OPCML: variants seen among roughly 807,000 people sequenced by gnomAD.
The protein encoded by OPCML is opioid binding protein/cell adhesion molecule like.
In OPCML, 13 loss-of-function variants were observed where a neutral mutation model predicts 37.8. The observed-to-expected ratio is 0.34, with a 90% confidence interval of 0.22 to 0.55. The LOEUF is 0.55. Among genes scored for constraint, OPCML ranks in the 20% least tolerant of loss-of-function variants. The pLI is 0.91. For synonymous variants in OPCML, 176 were observed against 168.8 expected, an observed-to-expected ratio of 1.04 and a Z score of -0.33; for missense variants, 341 against 435.6, an observed-to-expected ratio of 0.78 and a Z score of 1.93.
At position 133,410,634 on chromosome 11, in the gene OPCML, T is replaced by TAAAAAAA. The variant is rs71038527; in HGVS notation, c.61+121623_61+121629dup. ...TGAAAGCACACGTTAAGAAAAAAAG[T>TAAAAAAA]AAAAAAAAAAAAAAAAAAAAAAAAA... On this transcript the variant is annotated intron_variant, in intron 1 of 7. Transcript: ENST00000524381. Among the ~76,000 whole-genome samples, 18 of 47,012 alleles carry TAAAAAAA rather than the reference T, an allele frequency of 3.8e-4. 3 individuals carry two copies. Among genetic ancestry groups the TAAAAAAA allele is most frequent in the Non-Finnish European group, 7.0e-4 (16 of 22,816 alleles). 30.8% of individuals were successfully genotyped at this position (47,012 alleles called of 152,430 possible). A position where few individuals can be genotyped will look rare whatever the true frequency, so the allele number is the denominator to read the frequency against.
chr11:132,863,390 G>C (rs187230326), intron 2 of OPCML, among the ~76,000 whole-genome samples: 17 of 152,294 alleles, frequency 1.1e-4, no homozygotes, highest in African/African-American at 4.1e-4. Context: ...GACACAACGG[G>C]TATACTGACT....
chr11:132,723,260 C>G (rs1944744035), intron 2 of OPCML, among the ~76,000 whole-genome samples: 1 of 152,200 alleles, frequency 6.6e-6, no homozygotes, highest in South Asian at 2.1e-4. Context: ...TGCCAAGCTC[C>G]TCAATAGTAT....
intron 1 of OPCML, among the ~76,000 whole-genome samples, chr11:133,262,102 C>T (rs570476277): frequency 1.3e-4 from 20 of 152,242 alleles, no homozygotes; most frequent in South Asian, 4.1e-4. Flanking sequence ...AAATTATATA[C>T]GCTTTTGATG....
intron 1 of OPCML, among the ~76,000 whole-genome samples, chr11:133,357,170 G>A (rs1436734469): frequency 2.6e-5 from 4 of 152,154 alleles, no homozygotes; most frequent in Non-Finnish European, 2.9e-5. Flanking sequence ...CCCCAGGCAT[G>A]GTCGTTGTTA....
At chr11:132,580,492 T>C (rs1178453158) in intron 3 of OPCML, among the ~76,000 whole-genome samples, 1 of 152,140 alleles carries the variant, frequency 6.6e-6, no homozygotes, top group Non-Finnish European at 1.5e-5. Context: ...TTATGCAGGG[T>C]TTTTTTCATT....
At chr11:132,458,537 A>G (rs549910703) in intron 4 of OPCML, among the ~76,000 whole-genome samples, 8 of 152,228 alleles carry the variant, frequency 5.3e-5, no homozygotes. Context: ...TCAGGACCCC[A>G]TGACATTCTT....
chr11:132,938,927 T>G (rs1375758355), intron 2 of OPCML, among the ~76,000 whole-genome samples: 1 of 152,182 alleles, frequency 6.6e-6, no homozygotes. Context: ...CCAGGAATTT[T>G]GACATCATCA....
intron 1 of OPCML, among the ~76,000 whole-genome samples, chr11:133,215,637 G>A (rs1244980259): frequency 3.3e-5 from 5 of 152,176 alleles, no homozygotes; most frequent in Non-Finnish European, 7.3e-5. Flanking sequence ...GATGCTCAGA[G>A]AAAGCAGACC....
At chr11:132,761,227 AACTTTTTTTTTTT>A (rs1431410062) in intron 2 of OPCML, among the ~76,000 whole-genome samples, 1 of 141,440 alleles carries the variant, frequency 7.1e-6, no homozygotes, top group Admixed American at 7.0e-5. Flanking sequence ...GGCTGCGCTT[AACTTTTTTTTTTT>A]TTTTTTTTCA....
At chr11:133,378,730 C>CT (rs1321733756) in intron 1 of OPCML, among the ~76,000 whole-genome samples, 2 of 118,228 alleles carry the variant, frequency 1.7e-5, no homozygotes, top group South Asian at 2.7e-4. Flanking sequence ...CTTTTTTTGT[C>CT]TTTTTTTGTT....
At chr11:132,946,745 A>C (rs1945752805) in intron 1 of OPCML, among the ~76,000 whole-genome samples, 1 of 152,132 alleles carries the variant, frequency 6.6e-6, no homozygotes, top group Non-Finnish European at 1.5e-5. Flanking sequence ...TGATGCAGAG[A>C]GGAGAGGCTG....
chr11:133,000,163 T>A (rs866662610), intron 1 of OPCML, among the ~76,000 whole-genome samples: 2 of 152,144 alleles, frequency 1.3e-5, no homozygotes, highest in African/African-American at 4.8e-5. Context: ...TTCAAACAAT[T>A]CTCCTGCCTC....
chr11:133,448,560 C>T (rs1306835124), intron 1 of OPCML, among the ~76,000 whole-genome samples: 3 of 152,148 alleles, frequency 2.0e-5, no homozygotes, highest in East Asian at 1.9e-4. Context: ...CGGGTTCAGG[C>T]GATACTCCTG....
chr11:133,135,447 T>G (rs1390992124), intron 1 of OPCML, among the ~76,000 whole-genome samples: 2 of 151,822 alleles, frequency 1.3e-5, no homozygotes, highest in African/African-American at 4.8e-5. Flanking sequence ...TAGGTTTTTT[T>G]TTTTTTTTTT....
chr11:132,561,856 G>T (rs2096411414), intron 3 of OPCML, among the ~76,000 whole-genome samples: 1 of 152,164 alleles, frequency 6.6e-6, no homozygotes, highest in Non-Finnish European at 1.5e-5. Context: ...TTATGATCCA[G>T]TTTGCAGCAG....
At chr11:132,498,595 A>G (rs751448177) in intron 4 of OPCML, among the ~76,000 whole-genome samples, 3 of 152,012 alleles carry the variant, frequency 2.0e-5, no homozygotes, top group Non-Finnish European at 4.4e-5. Flanking sequence ...ATACTCTACG[A>G]CCCCTCCACA....
At chr11:133,366,750 G>A (rs1944548829) in intron 1 of OPCML, among the ~76,000 whole-genome samples, 1 of 152,162 alleles carries the variant, frequency 6.6e-6, no homozygotes, top group Non-Finnish European at 1.5e-5. Flanking sequence ...ACTTAGTATT[G>A]AGATTACTTA....
intron 3 of OPCML, among the ~76,000 whole-genome samples, chr11:132,542,724 G>T (rs116501433): frequency 6.6e-6 from 1 of 152,156 alleles, no homozygotes; most frequent in Non-Finnish European, 1.5e-5. Context: ...TGGGGCCCAG[G>T]GGGTGTCTCA....
intron 1 of OPCML, among the ~76,000 whole-genome samples, chr11:133,139,718 TATGAATGC>T (rs1355561048): frequency 1.3e-5 from 2 of 152,184 alleles, no homozygotes; most frequent in African/African-American, 4.8e-5. Context: ...TAATTTTACA[TATGAATGC>T]GGGGCTTGAG....
Sources: allele counts gnomAD v4.1 joint callset (sites outside exome capture counted in the v4.1 genomes callset), GRCh38; gene constraint gnomAD v4.1.1; transcripts MANE v1.5; gene names NCBI Gene and HGNC (gene_info 2026-07-23, HGNC 2026-07-21).